Variants in ME1 observed in about 807,000 individuals in gnomAD.
ME1 encodes the protein NADP-dependent malic enzyme.
ME1 carries 74 observed loss-of-function variants against 66.4 expected under a neutral mutation model. That is an observed-to-expected ratio of 1.11 (90% CI 0.92 to 1.35). ME1 has a LOEUF of 1.35. ME1 is among the 40% of genes most tolerant of loss of function. The pLI is 0.00. For synonymous variants in ME1, 251 were observed against 235.6 expected, an observed-to-expected ratio of 1.07 and a Z score of -0.60; for missense variants, 750 against 694.1, an observed-to-expected ratio of 1.08 and a Z score of -0.90.
At position 83,307,595 on chromosome 6, in the gene ME1, C is replaced by T. The variant is rs183629605; in HGVS notation, c.704+7715G>A. 3.9e-4 allele frequency among the ~76,000 whole-genome samples: 59 copies of T among 151,932 alleles called. 1 individual carries two copies. In the South Asian group the frequency reaches 6.7e-3, roughly 17 times the overall value. ...CCTCACAGACTTATAGATAAAATCACGTAAGTTATAAATATATCCCCGTCA... is the reference window on the plus strand; with the variant it reads ...CCTCACAGACTTATAGATAAAATCATGTAAGTTATAAATATATCCCCGTCA... On this transcript the variant is annotated intron_variant, in intron 6 of 13. Transcript: ENST00000369705.
intron 3 of ME1, among the ~76,000 whole-genome samples, chr6:83,380,650 C>T (rs12192000): frequency 0.056 from 8,518 of 152,072 alleles, 306 homozygotes; most frequent in Admixed American, 0.098. Flanking sequence ...TGATGTTGCA[C>T]CTTACAATGT....
chr6:83,344,829 G>C (rs1167274294), intron 5 of ME1, among the ~76,000 whole-genome samples: 2 of 151,750 alleles, frequency 1.3e-5, no homozygotes, highest in Non-Finnish European at 2.9e-5. Context: ...GTTGCAGTGA[G>C]CGGAGATCAG....
In ME1 at chr6:83,315,904, A is replaced by T. The variant is rs73474710; in HGVS notation, c.601-491T>A. Among the ~76,000 whole-genome samples the T allele has an allele frequency of 9.1e-3, 1,385 of 152,344 alleles. 30 individuals carry two copies. The highest frequency in any genetic ancestry group is 0.032 in the African/African-American group (1,310 of 41,576). On this transcript the variant is annotated intron_variant, in intron 5 of 13. Transcript: ENST00000369705. ...AGAAGGAGACTCTGCTGCAATAAAA[A>T]TAGATAAATAAATAAATAAGAAAGA...
intron 1 of ME1, among the ~76,000 whole-genome samples, chr6:83,425,195 T>G (rs1256317640): frequency 6.6e-6 from 1 of 151,976 alleles, no homozygotes; most frequent in Non-Finnish European, 1.5e-5. Context: ...GGGATTTTGC[T>G]ATGTTTCCCA....
chr6:83,316,853 C>T (rs1144179), intron 5 of ME1, among the ~76,000 whole-genome samples: 6 of 151,496 alleles, frequency 4.0e-5, no homozygotes, highest in African/African-American at 1.5e-4. Context: ...TTCATAAGGA[C>T]ATATTTAAGA....
intron 3 of ME1, chr6:83,392,648 A>C (rs1769644169): frequency 1.7e-6 from 1 of 589,128 alleles, no homozygotes; most frequent in South Asian, 1.4e-5. Context: ...ACTATTTTCC[A>C]GGGGCAAGAT....
chr6:83,288,665 A>G, intron 6 of ME1, among the ~76,000 whole-genome samples: 1 of 152,162 alleles, frequency 6.6e-6, no homozygotes, highest in Non-Finnish European at 1.5e-5. Context: ...TATGAAATTT[A>G]AAGCAGTTTT....
intron 6 of ME1, among the ~76,000 whole-genome samples, chr6:83,257,029 C>T (rs1479403904): frequency 6.6e-6 from 1 of 151,778 alleles, no homozygotes; most frequent in Admixed American, 6.6e-5. Flanking sequence ...CATCATCACA[C>T]CGGGGCCTGT....
intron 3 of ME1, among the ~76,000 whole-genome samples, chr6:83,370,878 C>A (rs1413609970): frequency 1.8e-4 from 28 of 152,062 alleles, no homozygotes; most frequent in Admixed American, 1.8e-3. Flanking sequence ...GATGGAAGTG[C>A]ACCAGAATGA....
intron 3 of ME1, among the ~76,000 whole-genome samples, chr6:83,382,824 C>G (rs1769432664): frequency 6.6e-6 from 1 of 151,926 alleles, no homozygotes; most frequent in Non-Finnish European, 1.5e-5. Flanking sequence ...TATGTATTGG[C>G]TATTTTCATG....
intron 3 of ME1, among the ~76,000 whole-genome samples, chr6:83,361,743 A>C (rs921910587): frequency 6.6e-6 from 1 of 152,198 alleles, no homozygotes; most frequent in Non-Finnish European, 1.5e-5. Flanking sequence ...TCAAGTCTCC[A>C]TGTGACCTGA....
intron 6 of ME1, among the ~76,000 whole-genome samples, chr6:83,259,286 T>C (rs1039516587): frequency 6.6e-6 from 1 of 152,100 alleles, no homozygotes; most frequent in African/African-American, 2.4e-5. Context: ...GAAACATGGA[T>C]CTTGCCCTGG....
In ME1 at chr6:83,228,310, G is replaced by A. The variant is rs550362526; in HGVS notation, c.1132+516C>T. Among the ~76,000 whole-genome samples the A allele has an allele frequency of 3.3e-5, 5 of 152,260 alleles. No homozygotes were observed. The East Asian group carries it at 9.7e-4, about 29-fold the overall frequency. On this transcript the variant is annotated intron_variant, in intron 10 of 13. Transcript: ENST00000369705. Reference sequence around the variant, plus strand: ...TTCCAGGAGGGTCTTATCTACTGCAGTATTTCTCAACCTCAGCACTATTGA... The same window carrying A: ...TTCCAGGAGGGTCTTATCTACTGCAATATTTCTCAACCTCAGCACTATTGA...
chr6:83,288,955 G>T (rs1583359150), intron 6 of ME1, among the ~76,000 whole-genome samples: 1 of 152,206 alleles, frequency 6.6e-6, no homozygotes, highest in East Asian at 1.9e-4. Flanking sequence ...GTGTTTGTCT[G>T]TTATTGGTGT....
At chr6:83,392,978 T>C (rs919840477) in intron 3 of ME1, 69 of 866,488 alleles carry the variant, frequency 8.0e-5, no homozygotes, top group Non-Finnish European at 1.2e-4. Flanking sequence ...ATGGCTCCTA[T>C]GGGAAACTGT....
rs1298410118 is a variant in ME1 at position 83,283,072 on chromosome 6, C to CA, written c.705-29335dup. Among the ~76,000 whole-genome samples, 9 of 148,852 alleles carry CA rather than the reference C, an allele frequency of 6.0e-5. No homozygotes were observed. In the East Asian group the frequency reaches 1.4e-3, roughly 23 times the overall value. On this transcript the variant is annotated intron_variant, in intron 6 of 13. Transcript: ENST00000369705. ...TGAAACCCCGTCTCTACTAAAAATA[C>CA]AAAAAATTAGCCGGGCGTGGTAGCG...
Position 83,310,626 on chromosome 6 carries a change from C to T in ME1, c.704+4684G>A, listed in dbSNP as rs140658176. On this transcript the variant is annotated intron_variant, in intron 6 of 13. Transcript: ENST00000369705. ...CACATGCCCGGTCCAAGGTAGCAGTCCAACTATTAAAACTCACCAGAGGTG... is the reference window on the plus strand; with the variant it reads ...CACATGCCCGGTCCAAGGTAGCAGTTCAACTATTAAAACTCACCAGAGGTG... 1.5e-3 allele frequency among the ~76,000 whole-genome samples: 226 copies of T among 152,030 alleles called. 4 individuals are homozygous for T. The highest frequency in any genetic ancestry group is 0.011 in the Admixed American group (165 of 15,268).
chr6:83,262,645 T>C (rs1249333770), intron 6 of ME1, among the ~76,000 whole-genome samples: 1 of 152,200 alleles, frequency 6.6e-6, no homozygotes, highest in East Asian at 1.9e-4. Context: ...TGAAGAATAT[T>C]ACAGTCATAA....
chr6:83,287,019 T>C (rs1451379778), intron 6 of ME1, among the ~76,000 whole-genome samples: 4 of 152,146 alleles, frequency 2.6e-5, no homozygotes, highest in Admixed American at 2.6e-4. Flanking sequence ...ACTGTAAAAA[T>C]AATAAAACAG....
Sources: allele counts gnomAD v4.1 joint callset (sites outside exome capture counted in the v4.1 genomes callset), GRCh38; gene constraint gnomAD v4.1.1; transcripts MANE v1.5; gene names NCBI Gene and HGNC (gene_info 2026-07-23, HGNC 2026-07-21).